CNOT7: variants seen among roughly 807,000 people sequenced by gnomAD.
CNOT7 encodes the protein CCR4-NOT transcription complex subunit 7.
In CNOT7, 4 loss-of-function variants were observed where a neutral mutation model predicts 37.1. The observed-to-expected ratio is 0.11, with a 90% CI of 0.05 to 0.25. CNOT7 has a LOEUF of 0.25. Ranked by LOEUF, CNOT7 falls within the 10% of genes least tolerant of loss-of-function variation. The pLI is 1.00. For missense variants in CNOT7, 170 were observed against 336.2 expected (o/e 0.51, Z 3.87); for synonymous variants, 128 against 115.6 (o/e 1.11, Z -0.69).
intron 5 of CNOT7, 85 bp downstream of exon 5, chr8:17,234,631 A>T: frequency 7.1e-7 from 1 of 1,408,792 alleles, no homozygotes; most frequent in Non-Finnish European, 1.0e-6. Flanking sequence ...AATATGGTTT[A>T]AAACAACATC....
At position 17,226,029 on chromosome 8, in the gene CNOT7, C is replaced by CTTTTTTTTTTTTTTTTTTTTTTTTTTTT. The variant is rs61036000; in HGVS notation, c.*4690_*4691insAAAAAAAAAAAAAAAAAAAAAAAAAAAA. 1.7e-5 allele frequency: 1 copy of CTTTTTTTTTTTTTTTTTTTTTTTTTTTT among 58,704 alleles called. No individual in the cohort carries two copies. The highest frequency in any genetic ancestry group is 3.0e-5 in the Non-Finnish European group (1 of 33,554). The allele number at this position is 58,704 out of a possible 1,614,324, so 3.6% of individuals were successfully genotyped here. ...TCTTCTAGTAGAGAGGTGGACAAGCCTTTTTTTTTTTTTTTTTTTTTTTTT... is the reference window on the plus strand; with the variant it reads ...TCTTCTAGTAGAGAGGTGGACAAGCCTTTTTTTTTTTTTTTTTTTTTTTTTTTTTTTTTTTTTTTTTTTTTTTTTTTTT... On this transcript the variant is annotated 3_prime_UTR_variant, in exon 7 of 7. Coordinates refer to ENST00000361272, the MANE Select transcript of CNOT7 (RefSeq NM_013354.7).
At chr8:17,243,497 G>A (rs920530366) in intron 2 of CNOT7, 1 of 509,530 alleles carries the variant, frequency 2.0e-6, no homozygotes, top group Non-Finnish European at 3.8e-6. Context: ...AAGGATACAT[G>A]AAATGATGCT....
chr8:17,240,317 A>C (rs924327426), intron 3 of CNOT7, among the ~76,000 whole-genome samples: 4 of 151,996 alleles, frequency 2.6e-5, no homozygotes, highest in African/African-American at 9.7e-5. Flanking sequence ...ATGTAGCCCA[A>C]TACAAATTTG....
In CNOT7 at chr8:17,230,535, T is replaced by C. The variant is rs965496912; in HGVS notation, c.*185A>G. ...GCCAAATTTAACCTGAATGCGTTTTTTTTTTTCTTTTTATTAAGATCTGAG... is the reference window on the plus strand; with the variant it reads ...GCCAAATTTAACCTGAATGCGTTTTCTTTTTTCTTTTTATTAAGATCTGAG... On this transcript the variant is annotated 3_prime_UTR_variant, in exon 7 of 7. Transcript: ENST00000361272. The C allele has an allele frequency of 2.6e-6, 1 of 389,772 alleles. No homozygotes were observed. The highest frequency in any genetic ancestry group is 2.1e-5 in the African/African-American group (1 of 47,808). The allele number at this position is 389,772 out of a possible 1,614,324, so 24.1% of individuals were successfully genotyped here.
At chr8:17,231,321 G>A (rs1319429156) in intron 6 of CNOT7, among the ~76,000 whole-genome samples, 1 of 151,910 alleles carries the variant, frequency 6.6e-6, no homozygotes, top group Non-Finnish European at 1.5e-5. Flanking sequence ...AAGAAGCCAA[G>A]AAAAATAAAG....
In CNOT7 at chr8:17,230,727, T is replaced by A; in HGVS notation, c.851A>T (p.Gln284Leu). 6.2e-7 allele frequency: 1 copy of A among 1,600,568 alleles called. No homozygotes were observed. Among genetic ancestry groups the A allele is most frequent in the Non-Finnish European group, 8.5e-7 (1 of 1,174,548 alleles). The stretch of plus-strand genomic sequence containing the variant: ...TAAAAGGACTATTTCATGTCATGAC[T>A]GCTTGTTGGCTTCCTCTTCATATGC... ...GNAYEEEANKQS is the reference protein window; with the variant it reads ...GNAYEEEANKLS The change falls in exon 7 of 7, where the codon CAG becomes CTG. Residue 284 changes from glutamine to leucine, a missense_variant. By Grantham distance (113) the Gln-to-Leu change is moderately radical. This residue lies in a region of CNOT7 where 25 missense variants were observed against 43.3 expected (regional missense o/e 0.58). Transcript: ENST00000361272.
chr8:17,231,579 G>C, intron 6 of CNOT7: 1 of 984,948 alleles, frequency 1.0e-6, no homozygotes, highest in Non-Finnish European at 1.2e-6. Flanking sequence ...TAAATTCTCA[G>C]TCTCAATTTA....
At position 17,225,086 on chromosome 8, in the gene CNOT7, T is replaced by TC. The variant is rs1418719893; in HGVS notation, c.*5633dup. 6.6e-6 allele frequency: 1 copy of TC among 151,694 alleles called. No individual in the cohort carries two copies. The highest frequency in any genetic ancestry group is 6.6e-5 in the Admixed American group (1 of 15,190). 9.4% of individuals were successfully genotyped at this position (151,694 alleles called of 1,614,324 possible). On this transcript the variant is annotated 3_prime_UTR_variant, in exon 7 of 7. Transcript: ENST00000361272. ...AGGTATATGGCATGAGTGAAACAGT[T>TC]CCCCATTAAAAGCACTTAAAACCTA... is the stretch of plus-strand genomic sequence containing the variant.
rs557171158 is a variant in CNOT7 at position 17,226,507 on chromosome 8, G to A, written c.*4213C>T. The A allele has an allele frequency of 7.8e-4, 118 of 151,680 alleles. 1 individual carries two copies. The highest frequency in any genetic ancestry group is 3.4e-3 in the Middle Eastern group (1 of 294). The allele number at this position is 151,680 out of a possible 1,614,324, so 9.4% of individuals were successfully genotyped here. The stretch of plus-strand genomic sequence containing the variant: ...TCATCTTTTTGGTATTTGCCCTTTA[G>A]CATGTCATTCATTCAAGATGATTCA... On this transcript the variant is annotated 3_prime_UTR_variant, in exon 7 of 7. Coordinates refer to ENST00000361272, the MANE Select transcript of CNOT7 (RefSeq NM_013354.7).
chr8:17,227,921 G>GC lies in CNOT7; in HGVS notation c.*2798dup, dbSNP rs1323566671. On this transcript the variant is annotated 3_prime_UTR_variant, in exon 7 of 7. Coordinates refer to ENST00000361272, the MANE Select transcript of CNOT7 (RefSeq NM_013354.7). ...TTCCAAATGCTTTCAGGTAATATCT[G>GC]CATCACCATGATTCTGTAGCTTGCC... is the stretch of plus-strand genomic sequence containing the variant. 1 of 151,856 alleles carries GC rather than the reference G, an allele frequency of 6.6e-6. No individual in the cohort carries two copies. The highest frequency in any genetic ancestry group is 1.5e-5 in the Non-Finnish European group (1 of 67,808). The allele number at this position is 151,856 out of a possible 1,614,324, so 9.4% of individuals were successfully genotyped here.
At position 17,226,692 on chromosome 8, in the gene CNOT7, C is replaced by G. The variant is rs1480844894; in HGVS notation, c.*4028G>C. On this transcript the variant is annotated 3_prime_UTR_variant, in exon 7 of 7. Coordinates refer to ENST00000361272, the MANE Select transcript of CNOT7 (RefSeq NM_013354.7). Reference sequence around the variant, plus strand: ...ATTTGGCAATACAGCGCTGTTTTGACTTCTCATAGCACAGAAAGTATATAA... The same window carrying G: ...ATTTGGCAATACAGCGCTGTTTTGAGTTCTCATAGCACAGAAAGTATATAA... 6.6e-6 allele frequency: 1 copy of G among 151,696 alleles called. No individual in the cohort carries two copies. Among genetic ancestry groups the G allele is most frequent in the African/African-American group, 2.4e-5 (1 of 41,384 alleles). 9.4% of individuals were successfully genotyped at this position (151,696 alleles called of 1,614,324 possible). A position where few individuals can be genotyped will look rare whatever the true frequency, so the allele number is the denominator to read the frequency against.
chr8:17,234,758 A>C lies in CNOT7; in HGVS notation c.576T>G (p.Ile192Met). Residue 192 changes from isoleucine to methionine, a missense_variant, in exon 5 of 7, where the codon ATT (isoleucine) becomes ATG (methionine). Coordinates refer to ENST00000361272, the MANE Select transcript of CNOT7 (RefSeq NM_013354.7). Reference protein sequence around the residue: ...FEILRLFFPVIYDVKYLMKSC... With the variant: ...FEILRLFFPVMYDVKYLMKSC... Reference sequence around the variant, plus strand: ...TCTTCATGAGGTACTTCACATCATAAATGACAGGAAAAAACAATCGAAGGA... The same window carrying C: ...TCTTCATGAGGTACTTCACATCATACATGACAGGAAAAAACAATCGAAGGA... The C allele has an allele frequency of 6.2e-7, 1 of 1,614,108 alleles. No homozygotes were observed.
At chr8:17,246,649 A>T (rs943808027) in intron 1 of CNOT7, 26 bp downstream of exon 1, 1 of 156,910 alleles carries the variant, frequency 6.4e-6, no homozygotes, top group Non-Finnish European at 1.4e-5. Context: ...CTCCCCCCGT[A>T]AGGCTGCAGC....
chr8:17,231,453 A>C (rs1429729163), intron 6 of CNOT7: 1 of 908,346 alleles, frequency 1.1e-6, no homozygotes, highest in Non-Finnish European at 1.3e-6. Context: ...AAGGAGTCCA[A>C]AACAAAATAT....
Position 17,225,459 on chromosome 8 carries a change from C to T in CNOT7, c.*5261G>A, listed in dbSNP as rs1808090197. On this transcript the variant is annotated 3_prime_UTR_variant, in exon 7 of 7. Coordinates refer to ENST00000361272, the MANE Select transcript of CNOT7 (RefSeq NM_013354.7). ...GAAATGTAGCTTGTTCATTCACCTACAGACTATGGCTACAAAGCAATGAAA... is the reference window on the plus strand; with the variant it reads ...GAAATGTAGCTTGTTCATTCACCTATAGACTATGGCTACAAAGCAATGAAA... The T allele has an allele frequency of 6.6e-6, 1 of 151,740 alleles. No homozygotes were observed. Among genetic ancestry groups the T allele is most frequent in the Non-Finnish European group, 1.5e-5 (1 of 67,704 alleles). 9.4% of individuals were successfully genotyped at this position (151,740 alleles called of 1,614,324 possible).
chr8:17,232,641 A>G lies in CNOT7; in HGVS notation c.619-104T>C, dbSNP rs2150971662. ...GACCAAAATAAAAATAAACTTTAGT[A>G]TGTAAAGGTGAATCTTATAAAGATT... On this transcript the variant is annotated intron_variant, in intron 5 of 6. Transcript: ENST00000361272. 4 of 931,336 alleles carry G rather than the reference A, an allele frequency of 4.3e-6. No homozygotes were observed. In the East Asian group the frequency reaches 9.7e-5, roughly 23 times the overall value. The allele number at this position is 931,336 out of a possible 1,614,324, so 57.7% of individuals were successfully genotyped here.
chr8:17,226,668 T>C lies in CNOT7; in HGVS notation c.*4052A>G, dbSNP rs1201329391. 6.6e-6 allele frequency: 1 copy of C among 151,750 alleles called. No individual in the cohort carries two copies. The highest frequency in any genetic ancestry group is 2.4e-5 in the African/African-American group (1 of 41,412). 9.4% of individuals were successfully genotyped at this position (151,750 alleles called of 1,614,324 possible). A position where few individuals can be genotyped will look rare whatever the true frequency, so the allele number is the denominator to read the frequency against. On this transcript the variant is annotated 3_prime_UTR_variant, in exon 7 of 7. Transcript: ENST00000361272. ...GGAAAATATATCCACTAAAAATGGA[T>C]TTGGCAATACAGCGCTGTTTTGACT... is the stretch of plus-strand genomic sequence containing the variant.
Position 17,229,144 on chromosome 8 carries a change from C to G in CNOT7, c.*1576G>C, listed in dbSNP as rs1808344047. 6.6e-6 allele frequency: 1 copy of G among 151,900 alleles called. No homozygotes were observed. Among genetic ancestry groups the G allele is most frequent in the East Asian group, 1.9e-4 (1 of 5,194 alleles). The allele number at this position is 151,900 out of a possible 1,614,324, so 9.4% of individuals were successfully genotyped here. A position where few individuals can be genotyped will look rare whatever the true frequency, so the allele number is the denominator to read the frequency against. On this transcript the variant is annotated 3_prime_UTR_variant, in exon 7 of 7. Transcript: ENST00000361272. ...CATCTAGGGTTAATGAAGGAAGTTA[C>G]TGAATTCTGTTGAGTTGCCCAAATA...
rs528799204 is a variant in CNOT7, at chr8:17,231,452, A to G, written c.730-604T>C. 6 of 902,856 alleles carry G rather than the reference A, an allele frequency of 6.6e-6. No homozygotes were observed. In the African/African-American group the frequency reaches 1.1e-4, roughly 16 times the overall value. 55.9% of individuals were successfully genotyped at this position (902,856 alleles called of 1,614,324 possible). ...CTAATGAAACAATTGGAAGGAGTCC[A>G]AAACAAAATATTTACGTGTCATGAA... On this transcript the variant is annotated intron_variant, in intron 6 of 6. Coordinates refer to ENST00000361272, the MANE Select transcript of CNOT7 (RefSeq NM_013354.7).
Sources: gnomAD v4.1 joint callset for allele counts (sites outside exome capture counted in the v4.1 genomes callset) on GRCh38, gnomAD v4.1.1 for gene constraint, gnomAD v4.1.1 regional missense constraint, MANE v1.5 for transcripts, NCBI Gene and HGNC (gene_info 2026-07-23, HGNC 2026-07-21) for gene names.